SLC22A23: variants seen among roughly 807,000 people sequenced by gnomAD.
The protein encoded by SLC22A23 is solute carrier family 22 member 23.
A neutral mutation model predicts 61.0 loss-of-function variants in SLC22A23; 26 were observed. That is an observed-to-expected ratio of 0.43 (90% CI 0.31 to 0.59). The LOEUF is 0.59. Ranked by LOEUF, SLC22A23 falls within the 20% of genes least tolerant of loss-of-function variation. SLC22A23 has a pLI of 0.11. For synonymous variants in SLC22A23, 430 were observed against 413.9 expected, an observed-to-expected ratio of 1.04 and a Z score of -0.47; for missense variants, 796 against 934.7, an observed-to-expected ratio of 0.85 and a Z score of 1.94.
At chr6:3,273,768 A>G (rs894935970) in intron 9 of SLC22A23, among the ~76,000 whole-genome samples, 4 of 152,342 alleles carry the variant, frequency 2.6e-5, no homozygotes, top group South Asian at 4.1e-4. Flanking sequence ...ATTACTTGCC[A>G]TAAGTAGTAT....
Position 3,456,222 on chromosome 6 carries a change from C to A in SLC22A23, c.338G>T (p.Ser113Ile). The change falls in exon 1 of 10, where the codon AGC becomes ATC. Residue 113 changes from serine to isoleucine, a missense_variant. Transcript: ENST00000406686. The surrounding 1 kb of genome is among the most constrained non-coding windows in gnomAD (Gnocchi z 7.1). ...CAGGAGGAACGAGTCCGAGAACTGGCTGAAGCCGATGAACAGCGCCGGGAT... is the reference window on the plus strand; with the variant it reads ...CAGGAGGAACGAGTCCGAGAACTGGATGAAGCCGATGAACAGCGCCGGGAT... The part of the protein sequence containing the change: ...TWIPALFIGF[S>I]QFSDSFLLDQ... The A allele has an allele frequency of 6.4e-7, 1 of 1,551,392 alleles. No homozygotes were observed. Among genetic ancestry groups the A allele is most frequent in the Non-Finnish European group, 8.7e-7 (1 of 1,146,860 alleles).
rs1763047844 is a variant in SLC22A23, at chr6:3,322,982, T to C, written c.1082+852A>G. Among the ~76,000 whole-genome samples the C allele has an allele frequency of 6.6e-6, 1 of 152,146 alleles. No homozygotes were observed. The highest frequency in any genetic ancestry group is 6.5e-5 in the Admixed American group (1 of 15,278). ...CATTTATAAAAAGGTAAAAGTATCATTTTTAGGGTCAACATCTCTCTATCC... is the reference window on the plus strand; with the variant it reads ...CATTTATAAAAAGGTAAAAGTATCACTTTTAGGGTCAACATCTCTCTATCC... On this transcript the variant is annotated intron_variant, in intron 4 of 9. Coordinates refer to ENST00000406686, the MANE Select transcript of SLC22A23 (RefSeq NM_015482.2). This position sits in a 1 kb window ranked among gnomAD's most constrained non-coding sequence, Gnocchi z 4.1.
intron 3 of SLC22A23, among the ~76,000 whole-genome samples, chr6:3,370,924 A>C (rs530767734): frequency 6.6e-6 from 1 of 152,190 alleles, no homozygotes; most frequent in Non-Finnish European, 1.5e-5. Context: ...CTTTAGAATC[A>C]CTTTATTTTA....
rs1554159826 is a variant in SLC22A23, at chr6:3,431,082, A to AG, written c.655-15228_655-15227insC. The stretch of plus-strand genomic sequence containing the variant: ...ACTCCGTCTCAAAAAAAAAAAAAAA[A>AG]AAAGAAAGAAAGAAAAAGAAAACAC... On this transcript the variant is annotated intron_variant, in intron 1 of 9. Coordinates refer to ENST00000406686, the MANE Select transcript of SLC22A23 (RefSeq NM_015482.2). Among the ~76,000 whole-genome samples, 397 of 138,042 alleles carry AG rather than the reference A, an allele frequency of 2.9e-3. 1 individual carries two copies. The highest frequency in any genetic ancestry group is 0.024 in the East Asian group (114 of 4,700). The allele number at this position is 138,042 out of a possible 152,430, so 90.6% of individuals were successfully genotyped here. A position where few individuals can be genotyped will look rare whatever the true frequency, so the allele number is the denominator to read the frequency against.
At chr6:3,453,547 A>G (rs180823103) in intron 1 of SLC22A23, among the ~76,000 whole-genome samples, 93 of 152,312 alleles carry the variant, frequency 6.1e-4, no homozygotes, top group Non-Finnish European at 1.0e-3. Flanking sequence ...GTGCTAGGAT[A>G]CCAGCAGCCA....
intron 3 of SLC22A23, among the ~76,000 whole-genome samples, chr6:3,346,505 G>C (rs143472375): frequency 6.6e-6 from 1 of 152,150 alleles, no homozygotes; most frequent in East Asian, 1.9e-4. Flanking sequence ...CCGCTACTCT[G>C]TTCCAGCTTG....
Position 3,336,902 on chromosome 6 carries a change from TCCTCCCACTTCAG to T in SLC22A23, c.914-12913_914-12901del, listed in dbSNP as rs1763890716. On this transcript the variant is annotated intron_variant, in intron 3 of 9. Coordinates refer to ENST00000406686, the MANE Select transcript of SLC22A23 (RefSeq NM_015482.2). Reference sequence around the variant, plus strand: ...GCCTTGACCTCCTGGGCTCCAGTGGTCCTCCCACTTCAGCCTCCCACTTCAGCGTCCCTATAGC... The same window carrying T: ...GCCTTGACCTCCTGGGCTCCAGTGGTCCTCCCACTTCAGCGTCCCTATAGC... Among the ~76,000 whole-genome samples, 5 of 151,034 alleles carry T rather than the reference TCCTCCCACTTCAG, an allele frequency of 3.3e-5. No individual in the cohort carries two copies. In the South Asian group the frequency reaches 8.4e-4, roughly 25 times the overall value.
intron 6 of SLC22A23, among the ~76,000 whole-genome samples, chr6:3,287,675 GTTTT>G (rs11418179): frequency 7.3e-6 from 1 of 136,882 alleles, no homozygotes; most frequent in African/African-American, 3.1e-5. Context: ...ACAGGAAACT[GTTTT>G]TTTTTTTGTT....
intron 9 of SLC22A23, 112 bp downstream of exon 9, chr6:3,283,740 C>T: frequency 6.5e-7 from 1 of 1,549,162 alleles, no homozygotes; most frequent in South Asian, 1.2e-5. Flanking sequence ...GCTGATGTGT[C>T]CAGAGCCAGA....
intron 3 of SLC22A23, among the ~76,000 whole-genome samples, chr6:3,356,853 C>T (rs1765135163): frequency 6.6e-6 from 1 of 152,024 alleles, no homozygotes; most frequent in Non-Finnish European, 1.5e-5. Context: ...CAAGTAGTAT[C>T]CCCATTTCCA....
chr6:3,297,249 A>AG lies in SLC22A23; in HGVS notation c.1210+841dup, dbSNP rs1218602482. ...ATCATGATCACAAGCATTTCTGGTC[A>AG]GGGGGGAAAATGAGCATATTCTCTC... On this transcript the variant is annotated intron_variant, in intron 5 of 9. Coordinates refer to ENST00000406686, the MANE Select transcript of SLC22A23 (RefSeq NM_015482.2). The surrounding 1 kb of genome is among the most constrained non-coding windows in gnomAD (Gnocchi z 4.3). 1.3e-5 allele frequency among the ~76,000 whole-genome samples: 2 copies of AG among 152,194 alleles called. No homozygotes were observed. Among genetic ancestry groups the AG allele is most frequent in the Non-Finnish European group, 2.9e-5 (2 of 68,028 alleles).
At chr6:3,320,508 C>A (rs1374794932) in intron 4 of SLC22A23, among the ~76,000 whole-genome samples, 1 of 152,192 alleles carries the variant, frequency 6.6e-6, no homozygotes, top group Non-Finnish European at 1.5e-5. Context: ...CTGGTGCATG[C>A]AATAAATACT....
chr6:3,456,418 C>A lies in SLC22A23; in HGVS notation c.142G>T (p.Ala48Ser). 1 of 1,373,310 alleles carries A rather than the reference C, an allele frequency of 7.3e-7. No homozygotes were observed. The highest frequency in any genetic ancestry group is 1.8e-5 in the South Asian group (1 of 56,324). 85.1% of individuals were successfully genotyped at this position (1,373,310 alleles called of 1,614,324 possible). Residue 48 changes from alanine to serine, a missense_variant, in exon 1 of 10, where the codon GCG becomes TCG. Ala to Ser is a moderately conservative substitution (Grantham distance 99, BLOSUM62 1). Transcript: ENST00000406686. This position sits in a 1 kb window ranked among gnomAD's most constrained non-coding sequence, Gnocchi z 7.1. ...LGGRAGPGGG[A>S]EIQPLPPLHP... Reference sequence around the variant, plus strand: ...AGTGGGGGCAGCGGCTGGATCTCCGCGCCGCCGCCGGGGCCCGCGCGTCCC... The same window carrying A: ...AGTGGGGGCAGCGGCTGGATCTCCGAGCCGCCGCCGGGGCCCGCGCGTCCC...
intron 4 of SLC22A23, among the ~76,000 whole-genome samples, chr6:3,306,989 C>T (rs1365843211): frequency 6.6e-6 from 1 of 152,164 alleles, no homozygotes; most frequent in Non-Finnish European, 1.5e-5. Context: ...GCGTCTGCAG[C>T]GCGGTATGGA....
chr6:3,381,736 A>G (rs1473892929), intron 3 of SLC22A23, among the ~76,000 whole-genome samples: 1 of 152,176 alleles, frequency 6.6e-6, no homozygotes, highest in Non-Finnish European at 1.5e-5. Flanking sequence ...ATCAGGAGAA[A>G]AGAGCTAGAA....
intron 1 of SLC22A23, among the ~76,000 whole-genome samples, chr6:3,437,500 A>G (rs1013151881): frequency 2.6e-5 from 4 of 151,864 alleles, no homozygotes; most frequent in African/African-American, 9.7e-5. Flanking sequence ...ACACAGTGAA[A>G]CCCCGTCTCT....
rs1769176425 is a variant in SLC22A23 at position 3,410,821 on chromosome 6, A to C, written c.759-479T>G. On this transcript the variant is annotated intron_variant, in intron 2 of 9. Transcript: ENST00000406686. The surrounding 1 kb of genome is among the most constrained non-coding windows in gnomAD (Gnocchi z 5.0). Reference sequence around the variant, plus strand: ...TTAACTAAGTCAGATACCTGATCCTACACACAGCCTATCCGAGCCAGGGCC... The same window carrying C: ...TTAACTAAGTCAGATACCTGATCCTCCACACAGCCTATCCGAGCCAGGGCC... 6.6e-6 allele frequency among the ~76,000 whole-genome samples: 1 copy of C among 152,100 alleles called. No individual in the cohort carries two copies. Among genetic ancestry groups the C allele is most frequent in the South Asian group, 2.1e-4 (1 of 4,822 alleles).
At chr6:3,377,367 A>G (rs532409248) in intron 3 of SLC22A23, among the ~76,000 whole-genome samples, 15 of 152,294 alleles carry the variant, frequency 9.8e-5, no homozygotes, top group African/African-American at 3.6e-4. Flanking sequence ...TGGAATGGAG[A>G]GGGTCAACAG....
chr6:3,344,681 G>C (rs543257430), intron 3 of SLC22A23, among the ~76,000 whole-genome samples: 5 of 152,228 alleles, frequency 3.3e-5, no homozygotes, highest in Non-Finnish European at 1.5e-5. Flanking sequence ...AGTGAACAGC[G>C]TGTCTTGAAA....
Sources: gnomAD v4.1 joint callset for allele counts (sites outside exome capture counted in the v4.1 genomes callset) on GRCh38, gnomAD v4.1.1 for gene constraint, Gnocchi (gnomAD v3.1) non-coding constraint, MANE v1.5 for transcripts, NCBI Gene and HGNC (gene_info 2026-07-23, HGNC 2026-07-21) for gene names.